Variants in EPC1 observed in about 807,000 individuals in gnomAD.
The protein encoded by EPC1 is enhancer of polycomb 1.
EPC1 carries 12 observed loss-of-function variants against 98.4 expected under a neutral mutation model. That is an observed-to-expected ratio of 0.12 (90% CI 0.08 to 0.20). The LOEUF is 0.20. Among genes scored for constraint, EPC1 ranks in the 10% least tolerant of loss-of-function variants. The pLI, the probability that EPC1 is intolerant of heterozygous loss-of-function variation, is 1.00. For synonymous variants in EPC1, 357 were observed against 363.9 expected, an observed-to-expected ratio of 0.98 and a Z score of 0.21; for missense variants, 729 against 990.5, an observed-to-expected ratio of 0.74 and a Z score of 3.54.
intron 1 of EPC1, among the ~76,000 whole-genome samples, chr10:32,364,773 A>G (rs566050732): frequency 3.6e-4 from 55 of 152,320 alleles, no homozygotes; most frequent in African/African-American, 1.1e-3. Flanking sequence ...TTCTAACTAT[A>G]TATTTATCAA....
At chr10:32,276,907 T>C (rs1836132454) in intron 10 of EPC1, among the ~76,000 whole-genome samples, 1 of 152,222 alleles carries the variant, frequency 6.6e-6, no homozygotes, top group Non-Finnish European at 1.5e-5. Flanking sequence ...AAGATGGTTG[T>C]TGTTGACAGA....
chr10:32,288,905 C>T (rs1440002333), intron 6 of EPC1, among the ~76,000 whole-genome samples: 1 of 151,772 alleles, frequency 6.6e-6, no homozygotes, highest in Non-Finnish European at 1.5e-5. Context: ...CTGGCTAACA[C>T]GATGAAACCC....
At chr10:32,337,160 T>C (rs1838025845) in intron 1 of EPC1, among the ~76,000 whole-genome samples, 1 of 152,206 alleles carries the variant, frequency 6.6e-6, no homozygotes, top group African/African-American at 2.4e-5. Flanking sequence ...CTTTTGAGGC[T>C]AGTACTCAAT....
At chr10:32,368,089 C>G (rs557491154) in intron 1 of EPC1, among the ~76,000 whole-genome samples, 1 of 152,328 alleles carries the variant, frequency 6.6e-6, no homozygotes, top group South Asian at 2.1e-4. Context: ...TCAAAACTTA[C>G]CTGGCAAGAG....
intron 1 of EPC1, among the ~76,000 whole-genome samples, chr10:32,344,124 G>A (rs1468644096): frequency 6.6e-6 from 1 of 152,086 alleles, no homozygotes; most frequent in Non-Finnish European, 1.5e-5. Flanking sequence ...AAATACTTCC[G>A]CACATCAAAA....
intron 9 of EPC1, chr10:32,285,375 G>A (rs1396311816): frequency 4.2e-6 from 1 of 237,690 alleles, no homozygotes; most frequent in African/African-American, 2.3e-5. Context: ...AGGGAGAAGA[G>A]AGAAGAAAAG....
At position 32,305,890 on chromosome 10, in the gene EPC1, A is replaced by G; in HGVS notation, c.195T>C (p.Tyr65=). ...LQRAISAQQV[Y]GEKRDNMVIP... ...TAACCATATTATCCCTCTTCTCGCC[A>G]TACACCTGCTGTGCTGAAATAGCCC... The change falls in exon 2 of 14, where the codon TAT becomes TAC. Residue 65 remains tyrosine, a synonymous_variant. Coordinates refer to ENST00000319778, the MANE Select transcript of EPC1 (RefSeq NM_001272004.3). 6.2e-7 allele frequency: 1 copy of G among 1,611,782 alleles called. No homozygotes were observed. The highest frequency in any genetic ancestry group is 8.5e-7 in the Non-Finnish European group (1 of 1,179,192).
chr10:32,293,102 G>C lies in EPC1; in HGVS notation c.552C>G (p.Asn184Lys), dbSNP rs368944190. 6.2e-7 allele frequency: 1 copy of C among 1,613,066 alleles called. No homozygotes were observed. Among genetic ancestry groups the C allele is most frequent in the Non-Finnish European group, 8.5e-7 (1 of 1,179,378 alleles). ...VYEYWIKKRKNCRGPSLIPSV... is the reference protein window; with the variant it reads ...VYEYWIKKRKKCRGPSLIPSV... ...ATGGAATAAGAGATGGCCCTCGACA[G>C]TTTTTTCTCTTTTTAATCCAATATT... The change falls in exon 4 of 14, where the codon AAC becomes AAG. Residue 184 changes from asparagine to lysine, a missense_variant. Coordinates refer to ENST00000319778, the MANE Select transcript of EPC1 (RefSeq NM_001272004.3).
intron 1 of EPC1, among the ~76,000 whole-genome samples, chr10:32,375,515 TG>T (rs1335814685): frequency 6.6e-6 from 1 of 152,078 alleles, no homozygotes; most frequent in African/African-American, 2.4e-5. Flanking sequence ...TGTTATTGAT[TG>T]AGCTCCTTAA....
chr10:32,287,145 G>T lies in EPC1; in HGVS notation c.1105C>A (p.Leu369Met). The change falls in exon 7 of 14, where the codon CTG becomes ATG. Residue 369 changes from leucine (L) to methionine (M), a missense_variant. Physicochemically the swap from Leu to Met is conservative, Grantham distance 15 (BLOSUM62 2). Transcript: ENST00000319778. ...AALPVFNAKDLNQYDFPSSDE... is the reference protein window; with the variant it reads ...AALPVFNAKDMNQYDFPSSDE... ...GAGCTGGGAAAGTCATACTGATTCAGATCTTTAGCATTGAAGACTGGCAGT... is the reference window on the plus strand; with the variant it reads ...GAGCTGGGAAAGTCATACTGATTCATATCTTTAGCATTGAAGACTGGCAGT... 6.2e-7 allele frequency: 1 copy of T among 1,614,192 alleles called. No homozygotes were observed. The highest frequency in any genetic ancestry group is 2.2e-5 in the East Asian group (1 of 44,876).
chr10:32,371,701 C>G (rs1839755355), intron 1 of EPC1, among the ~76,000 whole-genome samples: 1 of 152,110 alleles, frequency 6.6e-6, no homozygotes, highest in African/African-American at 2.4e-5. Context: ...GAGTTCGAGA[C>G]CAGCCTGGCC....
At chr10:32,313,456 A>G (rs140004990) in intron 1 of EPC1, among the ~76,000 whole-genome samples, 14 of 152,386 alleles carry the variant, frequency 9.2e-5, no homozygotes, top group Middle Eastern at 3.4e-3. Flanking sequence ...ACAGTGTAAT[A>G]AAGTACTATG....
intron 1 of EPC1, among the ~76,000 whole-genome samples, chr10:32,333,760 A>G (rs1437767988): frequency 1.8e-5 from 1 of 54,924 alleles, no homozygotes; most frequent in Non-Finnish European, 5.4e-5. Flanking sequence ...TCAGACAATA[A>G]GGCTTTACGA....
rs1385631732 is a variant in EPC1 at position 32,354,437 on chromosome 10, G to A, written c.3+24054C>T. Among the ~76,000 whole-genome samples the A allele has an allele frequency of 2.0e-5, 3 of 152,078 alleles. No homozygotes were observed. In the South Asian group the frequency reaches 6.2e-4, roughly 32 times the overall value. ...CCACTGCACTCCAGCCTGGGCGACAGAGTGAGACTCTGCCTCAAAAAAAAG... is the reference window on the plus strand; with the variant it reads ...CCACTGCACTCCAGCCTGGGCGACAAAGTGAGACTCTGCCTCAAAAAAAAG... On this transcript the variant is annotated intron_variant, in intron 1 of 13. Coordinates refer to the EPC1 transcript ENST00000375110.
chr10:32,305,976 C>T, intron 1 of EPC1, 45 bp from the exon 2 acceptor site: 1 of 1,522,974 alleles, frequency 6.6e-7, no homozygotes, highest in Non-Finnish European at 8.8e-7. Flanking sequence ...TTTTAAAAAG[C>T]AGTAAACAGA....
At chr10:32,292,686 C>T in intron 4 of EPC1, 42 bp from the exon 5 acceptor site, 1 of 1,571,560 alleles carries the variant, frequency 6.4e-7, no homozygotes, top group Non-Finnish European at 8.6e-7. Context: ...GTAAGTATTT[C>T]TAACTAGTGG....
chr10:32,302,455 C>A (rs545724119), intron 2 of EPC1, among the ~76,000 whole-genome samples: 5 of 151,840 alleles, frequency 3.3e-5, no homozygotes, highest in South Asian at 4.2e-4. Context: ...TGAGACCAGC[C>A]TGGCCAACTT....
chr10:32,378,404 G>C, intron 1 of EPC1: 2 of 1,099,852 alleles, frequency 1.8e-6, no homozygotes, highest in Non-Finnish European at 2.7e-6. Context: ...ACAAAGATTG[G>C]TTTTGTTAGA....
At chr10:32,374,448 A>T (rs1003981816) in intron 1 of EPC1, 1 of 152,080 alleles carries the variant, frequency 6.6e-6, no homozygotes, top group Non-Finnish European at 1.5e-5. Flanking sequence ...TCCTCTCTTC[A>T]TCTCTTTTCT....
Sources: gnomAD v4.1 joint callset for allele counts (sites outside exome capture counted in the v4.1 genomes callset) on GRCh38, gnomAD v4.1.1 for gene constraint, MANE v1.5 for transcripts, NCBI Gene and HGNC (gene_info 2026-07-23, HGNC 2026-07-21) for gene names.